Variants in ASCC1 observed in about 807,000 individuals in gnomAD.
The protein encoded by ASCC1 is ASC-1 complex subunit P50.
Under a neutral mutation model 46.6 loss-of-function variants are expected in ASCC1, and 35 were observed. The ratio of observed to expected loss-of-function variants is 0.75; its 90% CI spans 0.57 to 0.99. The LOEUF is 0.99. ASCC1 is among the 50% of genes least tolerant of loss of function. The pLI is 0.00. For missense variants in ASCC1, 376 were observed against 428.7 expected, an observed-to-expected ratio of 0.88 and a Z score of 1.09; for synonymous variants, 143 against 146.6, an observed-to-expected ratio of 0.98 and a Z score of 0.18.
intron 5 of ASCC1, among the ~76,000 whole-genome samples, chr10:72,169,292 C>T (rs1589438660): frequency 2.0e-5 from 3 of 151,894 alleles, no homozygotes; most frequent in Admixed American, 6.6e-5. Flanking sequence ...AAAAATTAGC[C>T]GGGTGTGGTG....
intron 9 of ASCC1, among the ~76,000 whole-genome samples, chr10:72,126,535 T>A (rs558275470): frequency 6.6e-6 from 1 of 152,308 alleles, no homozygotes; most frequent in African/African-American, 2.4e-5. Flanking sequence ...CTCTCTGCCA[T>A]CACCCCACTC....
chr10:72,120,355 C>T (rs111764347), intron 9 of ASCC1, among the ~76,000 whole-genome samples: 1,564 of 152,036 alleles, frequency 0.01, 19 homozygotes, highest in African/African-American at 0.036. Context: ...GATATGACAA[C>T]AGAAACTTCC....
intron 9 of ASCC1, chr10:72,103,074 CAT>C (rs1841963567): frequency 2.7e-6 from 1 of 370,594 alleles, no homozygotes; most frequent in Non-Finnish European, 5.3e-6. Context: ...TAAGTAAACA[CAT>C]GTGCCAGGAA....
chr10:72,143,054 G>A (rs957918146), intron 7 of ASCC1, among the ~76,000 whole-genome samples: 15 of 151,622 alleles, frequency 9.9e-5, no homozygotes, highest in African/African-American at 3.1e-4. Context: ...CCAGCTACTC[G>A]TGAGGACAAG....
intron 3 of ASCC1, among the ~76,000 whole-genome samples, chr10:72,207,982 ATTTT>A (rs930915805): frequency 6.6e-6 from 1 of 151,462 alleles, no homozygotes; most frequent in African/African-American, 2.4e-5. Context: ...TGGCTAATTT[ATTTT>A]TTTTATTTTT....
Position 72,096,857 on chromosome 10 carries a change from T to C in ASCC1, c.*477A>G, listed in dbSNP as rs915428297. Reference sequence around the variant, plus strand: ...TTCCACTTATATGAGATACTGAGAATAGTCAAAACCAGAGAGACAGAAAGC... The same window carrying C: ...TTCCACTTATATGAGATACTGAGAACAGTCAAAACCAGAGAGACAGAAAGC... On this transcript the variant is annotated 3_prime_UTR_variant, in exon 10 of 10. Transcript: ENST00000672957. 5 of 453,902 alleles carry C rather than the reference T, an allele frequency of 1.1e-5. No individual in the cohort carries two copies. The highest frequency in any genetic ancestry group is 2.4e-5 in the Admixed American group (1 of 42,540). 28.1% of individuals were successfully genotyped at this position (453,902 alleles called of 1,614,324 possible). A position where few individuals can be genotyped will look rare whatever the true frequency, so the allele number is the denominator to read the frequency against.
chr10:72,216,856 G>A (rs1434701461), upstream of ASCC1: 1 of 456,094 alleles, frequency 2.2e-6, no homozygotes, highest in East Asian at 7.0e-5. Flanking sequence ...TTCATCATCA[G>A]TATTTGTTTG....
intron 5 of ASCC1, among the ~76,000 whole-genome samples, chr10:72,164,134 T>C (rs1850049780): frequency 1.3e-5 from 2 of 152,060 alleles, no homozygotes; most frequent in South Asian, 2.1e-4. Flanking sequence ...GGCTAATTTT[T>C]TGATTTTTTG....
chr10:72,136,674 T>C (rs1029469675), intron 7 of ASCC1, among the ~76,000 whole-genome samples: 1 of 152,226 alleles, frequency 6.6e-6, no homozygotes, highest in African/African-American at 2.4e-5. Context: ...GTGGAAGCTT[T>C]GTTCTTTCAC....
intron 9 of ASCC1, among the ~76,000 whole-genome samples, chr10:72,104,290 G>A (rs983138266): frequency 1.3e-5 from 2 of 152,148 alleles, no homozygotes; most frequent in Non-Finnish European, 2.9e-5. Flanking sequence ...TTCACTTGCT[G>A]TTCCTATATT....
Position 72,196,975 on chromosome 10 carries a change from G to A in ASCC1, c.325C>T (p.His109Tyr). 6.2e-7 allele frequency: 1 copy of A among 1,613,618 alleles called. No homozygotes were observed. The highest frequency in any genetic ancestry group is 8.5e-7 in the Non-Finnish European group (1 of 1,180,008). The change falls in exon 5 of 10, where the codon CAT becomes TAT. Residue 109 changes from histidine (H) to tyrosine (Y), a missense_variant. Physicochemically the swap from His to Tyr is moderately conservative, Grantham distance 83. Transcript: ENST00000672957. Reference sequence around the variant, plus strand: ...CGGGCTGAAATTACACCATTTCGATGCTGGCCAGTGATTACTGTAAACAAA... The same window carrying A: ...CGGGCTGAAATTACACCATTTCGATACTGGCCAGTGATTACTGTAAACAAA... ...QDGEIVITGQ[H>Y]RNGVISARTR... is the part of the protein sequence containing the mutation.
chr10:72,114,058 G>A (rs529342279), intron 9 of ASCC1, among the ~76,000 whole-genome samples: 1 of 152,242 alleles, frequency 6.6e-6, no homozygotes, highest in South Asian at 2.1e-4. Flanking sequence ...CATAAATGAA[G>A]CTGCCTTCAA....
At chr10:72,149,437 C>CAAAAAA (rs11297879) in intron 7 of ASCC1, among the ~76,000 whole-genome samples, 5 of 52,702 alleles carry the variant, frequency 9.5e-5, no homozygotes, top group African/African-American at 1.3e-4. Context: ...GACTCCGTCA[C>CAAAAAA]AAAAAAAAAA....
intron 2 of ASCC1, 113 bp from the exon 3 acceptor site, chr10:72,210,944 A>C: frequency 1.1e-6 from 1 of 885,516 alleles, no homozygotes; most frequent in South Asian, 1.4e-5. Context: ...CACAGGCATA[A>C]AGAACAGCCG....
intron 7 of ASCC1, among the ~76,000 whole-genome samples, chr10:72,138,014 G>A (rs1343304885): frequency 6.6e-6 from 1 of 152,098 alleles, no homozygotes; most frequent in Non-Finnish European, 1.5e-5. Flanking sequence ...ACAGGCGTGT[G>A]CCACTGCCAC....
At position 72,183,705 on chromosome 10, in the gene ASCC1, A is replaced by G. The variant is rs574661444; in HGVS notation, c.489+13106T>C. Among the ~76,000 whole-genome samples the G allele has an allele frequency of 1.1e-3, 165 of 152,346 alleles. 1 individual carries two copies. Among genetic ancestry groups the G allele is most frequent in the Non-Finnish European group, 1.6e-3 (107 of 68,026 alleles). On this transcript the variant is annotated intron_variant, in intron 5 of 9. Transcript: ENST00000672957. ...AAAGAAACTATAAATGCCAGAAGAC[A>G]GTAGAATTATATGTTCACAGTCCTA...
chr10:72,154,768 A>T (rs1486750726), intron 6 of ASCC1, among the ~76,000 whole-genome samples: 2 of 152,330 alleles, frequency 1.3e-5, no homozygotes, highest in Non-Finnish European at 2.9e-5. Context: ...CTGGGATTAC[A>T]GGCGTGAGCC....
intron 4 of ASCC1, among the ~76,000 whole-genome samples, chr10:72,199,532 G>C (rs1856181249): frequency 6.6e-6 from 1 of 151,996 alleles, no homozygotes; most frequent in Non-Finnish European, 1.5e-5. Flanking sequence ...TCCTGACTTT[G>C]TGATGTGCCC....
chr10:72,212,604 T>A (rs1259412046), intron 2 of ASCC1, among the ~76,000 whole-genome samples: 2 of 152,162 alleles, frequency 1.3e-5, no homozygotes, highest in African/African-American at 4.8e-5. Context: ...TCCCAGCACT[T>A]TGAGAGGCCA....
Sources: allele counts gnomAD v4.1 joint callset (sites outside exome capture counted in the v4.1 genomes callset), GRCh38; gene constraint gnomAD v4.1.1; transcripts MANE v1.5; gene names NCBI Gene and HGNC (gene_info 2026-07-23, HGNC 2026-07-21).